The following PLEK2 variants were observed in gnomAD, a reference collection of about 807,000 sequenced individuals.
The protein encoded by PLEK2 is pleckstrin 2, also known as pleckstrin-2.
A neutral mutation model predicts 43.8 loss-of-function variants in PLEK2; 29 were observed. The observed-to-expected ratio is 0.66, with a 90% confidence interval of 0.49 to 0.90. The LOEUF (loss-of-function observed/expected upper bound fraction) is 0.90. PLEK2 is among the 40% of genes least tolerant of loss of function. PLEK2 has a pLI of 0.00. For missense variants in PLEK2, 398 were observed against 448.1 expected (o/e 0.89, Z 1.01); for synonymous variants, 162 against 173.2 (o/e 0.94, Z 0.51).
At chr14:67,395,326 C>G (rs541108111) in intron 3 of PLEK2, 76 bp downstream of exon 3, 76 of 1,363,602 alleles carry the variant, frequency 5.6e-5, no homozygotes, top group Middle Eastern at 2.5e-4. Flanking sequence ...CAGAGCCCCC[C>G]CAAGGGGCAG....
intron 1 of PLEK2, among the ~76,000 whole-genome samples, chr14:67,403,661 G>A (rs1173750882): frequency 2.0e-5 from 3 of 152,226 alleles, no homozygotes; most frequent in Non-Finnish European, 2.9e-5. Flanking sequence ...GATGTACTAC[G>A]TAGACAAGAA....
intron 4 of PLEK2, 149 bp downstream of exon 4, chr14:67,393,001 G>T: frequency 1.2e-6 from 1 of 863,870 alleles, no homozygotes; most frequent in Non-Finnish European, 1.9e-6. Flanking sequence ...TAGAGCCGTG[G>T]CTGCACACCC....
chr14:67,398,606 T>C (rs1473193020), intron 1 of PLEK2, among the ~76,000 whole-genome samples: 1 of 148,864 alleles, frequency 6.7e-6, no homozygotes, highest in Non-Finnish European at 1.5e-5. Context: ...CTTCTCTTTA[T>C]TCCTGCCACC....
intron 1 of PLEK2, among the ~76,000 whole-genome samples, chr14:67,402,136 A>C (rs2086052654): frequency 6.6e-6 from 1 of 152,180 alleles, no homozygotes; most frequent in Non-Finnish European, 1.5e-5. Flanking sequence ...TCCATCTCAA[A>C]CAACAACAAC....
intron 7 of PLEK2, among the ~76,000 whole-genome samples, chr14:67,388,503 A>C (rs1449614766): frequency 6.6e-6 from 1 of 152,188 alleles, no homozygotes; most frequent in East Asian, 1.9e-4. Context: ...AGCCAGCAGC[A>C]GTAGTGCCCA....
chr14:67,387,032 G>T lies in PLEK2; in HGVS notation c.*297C>A. On this transcript the variant is annotated 3_prime_UTR_variant, in exon 9 of 9. Transcript: ENST00000216446. ...ACATTATGGCATGGCCAGTGTAATTGTTCCAACAAAGGGAACCTACTTTGG... is the reference window on the plus strand; with the variant it reads ...ACATTATGGCATGGCCAGTGTAATTTTTCCAACAAAGGGAACCTACTTTGG... The T allele has an allele frequency of 8.0e-6, 2 of 251,042 alleles. No individual in the cohort carries two copies. The highest frequency in any genetic ancestry group is 6.6e-5 in the South Asian group (1 of 15,112). 15.6% of individuals were successfully genotyped at this position (251,042 alleles called of 1,614,324 possible). A position where few individuals can be genotyped will look rare whatever the true frequency, so the allele number is the denominator to read the frequency against.
Position 67,406,013 on chromosome 14 carries a change from T to A in PLEK2, c.42+6005A>T, listed in dbSNP as rs143286701. ...TGGCTCACACCTGTAATCCCAGCACTTTGGTAGGCTGAGGGCAGGTAGATC... is the reference window on the plus strand; with the variant it reads ...TGGCTCACACCTGTAATCCCAGCACATTGGTAGGCTGAGGGCAGGTAGATC... On this transcript the variant is annotated intron_variant, in intron 1 of 8. Coordinates refer to ENST00000216446, the MANE Select transcript of PLEK2 (RefSeq NM_016445.3). 7.2e-5 allele frequency among the ~76,000 whole-genome samples: 11 copies of A among 152,270 alleles called. No individual in the cohort carries two copies. The East Asian group carries it at 2.1e-3, about 29-fold the overall frequency.
intron 2 of PLEK2, 29 bp from the exon 3 acceptor site, chr14:67,395,612 G>A (rs773897977): frequency 6.2e-7 from 1 of 1,607,052 alleles, no homozygotes; most frequent in Non-Finnish European, 8.5e-7. Context: ...AGTCAGGCCA[G>A]CACTCAGGCA....
At chr14:67,398,081 T>C in intron 1 of PLEK2, 1 of 342,990 alleles carries the variant, frequency 2.9e-6, no homozygotes, top group Admixed American at 4.7e-5. Context: ...AAGAGAAAAA[T>C]CACTTCCTGT....
At chr14:67,408,359 A>AAAATAAAATAAAAT (rs1566632508) in intron 1 of PLEK2, among the ~76,000 whole-genome samples, 258 of 134,048 alleles carry the variant, frequency 1.9e-3, no homozygotes, top group African/African-American at 7.3e-3. Flanking sequence ...TAAAATAAAA[A>AAAATAAAATAAAAT]AAGAAAAAAC....
chr14:67,390,612 T>TAC, intron 7 of PLEK2, 51 bp downstream of exon 7: 2 of 1,248,048 alleles, frequency 1.6e-6, no homozygotes, highest in Non-Finnish European at 1.2e-6. Context: ...GAGAGGAGTG[T>TAC]CTGGGGGCAT....
chr14:67,388,662 G>A (rs1413809677), intron 7 of PLEK2, among the ~76,000 whole-genome samples: 1 of 152,128 alleles, frequency 6.6e-6, no homozygotes, highest in Non-Finnish European at 1.5e-5. Flanking sequence ...AAAGCAATCA[G>A]AAATATATAT....
intron 1 of PLEK2, among the ~76,000 whole-genome samples, chr14:67,401,766 T>C (rs1420387882): frequency 5.3e-5 from 8 of 152,076 alleles, no homozygotes; most frequent in Non-Finnish European, 8.8e-5. Flanking sequence ...ACTAATATGA[T>C]AGGGAAAGGA....
intron 2 of PLEK2, 77 bp from the exon 3 acceptor site, chr14:67,395,660 C>T: frequency 8.1e-7 from 1 of 1,232,604 alleles, no homozygotes; most frequent in Non-Finnish European, 1.2e-6. Context: ...TGACGGGGCC[C>T]CGGGAGAATC....
At chr14:67,406,414 G>A (rs568560886) in intron 1 of PLEK2, among the ~76,000 whole-genome samples, 1 of 152,240 alleles carries the variant, frequency 6.6e-6, no homozygotes, top group Middle Eastern at 3.4e-3. Flanking sequence ...CAGTCTTCCT[G>A]GTTGTGTGGA....
intron 1 of PLEK2, 77 bp from the exon 2 acceptor site, chr14:67,397,903 G>C: frequency 2.5e-6 from 3 of 1,197,552 alleles, no homozygotes; most frequent in Non-Finnish European, 3.5e-6. Context: ...GTGTCTGGTG[G>C]CACAAGTAAC....
In PLEK2 at chr14:67,392,323, T is replaced by C; in HGVS notation, c.771+3A>G. 1 of 1,573,188 alleles carries C rather than the reference T, an allele frequency of 6.4e-7. No individual in the cohort carries two copies. Among genetic ancestry groups the C allele is most frequent in the Non-Finnish European group, 8.8e-7 (1 of 1,142,518 alleles). On this transcript the variant is annotated splice_donor_region_variant and intron_variant, in intron 6 of 8. Transcript: ENST00000216446. ...CTCTCTTCCCTGCTCATAGCAGCCA[T>C]ACCTGCTTGGCCAGGTAGCCTTGTT...
rs760395266 is a variant in PLEK2 at position 67,393,197 on chromosome 14, G to T, written c.434C>A (p.Ser145Ter). 6.2e-7 allele frequency: 1 copy of T among 1,614,072 alleles called. No homozygotes were observed. Among genetic ancestry groups the T allele is most frequent in the Admixed American group, 1.7e-5 (1 of 60,028 alleles). Residue 145 changes from serine (S) to a stop codon, truncating the protein, a stop_gained, in exon 4 of 9, where the codon TCA becomes TAA. Transcript: ENST00000216446. LOFTEE classifies it high-confidence loss of function. ...GCTTCCCTGCTCCATGTTGGGGCTTGAACGGATTCCGGTGTTGCTATCGTG... is the reference window on the plus strand; with the variant it reads ...GCTTCCCTGCTCCATGTTGGGGCTTTAACGGATTCCGGTGTTGCTATCGTG... ...KMHDSNTGIR[S>*]SPNMEQGSTY...
intron 7 of PLEK2, 65 bp from the exon 8 acceptor site, chr14:67,388,367 C>T (rs2085942388): frequency 2.1e-6 from 2 of 952,262 alleles, no homozygotes; most frequent in South Asian, 1.3e-5. Context: ...TTGCACTCCC[C>T]TTACAACTCA....
Sources: allele counts gnomAD v4.1 joint callset (sites outside exome capture counted in the v4.1 genomes callset), GRCh38; gene constraint gnomAD v4.1.1; transcripts MANE v1.5; gene names NCBI Gene and HGNC (gene_info 2026-07-23, HGNC 2026-07-21).